Variants in RBFOX1 observed in about 807,000 individuals in gnomAD.
RBFOX1 encodes the protein RNA binding protein fox-1 homolog 1.
Under a neutral mutation model 57.7 loss-of-function variants are expected in RBFOX1, and 8 were observed. The ratio of observed to expected loss-of-function variants is 0.14; its 90% CI spans 0.08 to 0.25. The LOEUF (loss-of-function observed/expected upper bound fraction) is 0.25, where lower values mean the gene tolerates loss of function less well. Among genes scored for constraint, RBFOX1 ranks in the 10% least tolerant of loss-of-function variants. The pLI, the probability that RBFOX1 is intolerant of heterozygous loss-of-function variation, is 1.00. For missense variants in RBFOX1, 611 were observed against 548.5 expected, an observed-to-expected ratio of 1.11 and a Z score of -1.14; for synonymous variants, 326 against 222.4, an observed-to-expected ratio of 1.47 and a Z score of -4.15.
At chr16:5,683,019 A>G (rs937035122) in intron 3 of RBFOX1, among the ~76,000 whole-genome samples, 2 of 152,118 alleles carry the variant, frequency 1.3e-5, no homozygotes, top group Admixed American at 6.5e-5. Flanking sequence ...CACTTACAGA[A>G]TGGGGAGAAT....
At chr16:6,782,030 C>G (rs149537499) in intron 3 of RBFOX1, among the ~76,000 whole-genome samples, 1 of 151,930 alleles carries the variant, frequency 6.6e-6, no homozygotes, top group Non-Finnish European at 1.5e-5. Flanking sequence ...GTTTTTTATA[C>G]GGAGCCTTGC....
At chr16:6,826,392 T>C (rs986394085) in intron 3 of RBFOX1, among the ~76,000 whole-genome samples, 2 of 152,180 alleles carry the variant, frequency 1.3e-5, no homozygotes, top group African/African-American at 2.4e-5. Context: ...GCCTGGTACA[T>C]AGTAAATACT....
chr16:6,127,477 A>T (rs919025576), intron 1 of RBFOX1, among the ~76,000 whole-genome samples: 1 of 152,148 alleles, frequency 6.6e-6, no homozygotes, highest in African/African-American at 2.4e-5. Flanking sequence ...ATGTGAAGTG[A>T]TGTGTCTGTG....
chr16:5,340,545 A>T (rs1287097433), intron 1 of RBFOX1, among the ~76,000 whole-genome samples: 1 of 152,194 alleles, frequency 6.6e-6, no homozygotes, highest in African/African-American at 2.4e-5. Context: ...TAACAGTTAA[A>T]GAACACATTC....
At chr16:5,747,906 C>T (rs13156835) in intron 3 of RBFOX1, among the ~76,000 whole-genome samples, 2 of 152,088 alleles carry the variant, frequency 1.3e-5, no homozygotes, top group African/African-American at 2.4e-5. Context: ...TTATTTCTTG[C>T]CTTCTGCTAG....
chr16:6,175,783 T>G (rs1344492622), intron 1 of RBFOX1, among the ~76,000 whole-genome samples: 1 of 152,188 alleles, frequency 6.6e-6, no homozygotes, highest in Admixed American at 6.5e-5. Flanking sequence ...GTAGCCAGAC[T>G]TTCGGGAGCA....
At chr16:7,211,623 A>G (rs1173105847) in intron 4 of RBFOX1, among the ~76,000 whole-genome samples, 1 of 152,160 alleles carries the variant, frequency 6.6e-6, no homozygotes, top group Non-Finnish European at 1.5e-5. Flanking sequence ...CACACCTAGT[A>G]AGCAAGGGTA....
At chr16:6,919,925 C>A (rs373880792) in intron 3 of RBFOX1, among the ~76,000 whole-genome samples, 2 of 152,002 alleles carry the variant, frequency 1.3e-5, no homozygotes, top group African/African-American at 4.8e-5. Context: ...ATCTTTTATC[C>A]TTTACCCCCT....
intron 3 of RBFOX1, among the ~76,000 whole-genome samples, chr16:7,007,912 C>A (rs1014618836): frequency 1.3e-5 from 2 of 152,158 alleles, no homozygotes; most frequent in African/African-American, 4.8e-5. Flanking sequence ...CTCAAGCTTG[C>A]TAGCTGGGGC....
intron 1 of RBFOX1, among the ~76,000 whole-genome samples, chr16:6,204,160 G>C (rs2097237238): frequency 6.6e-6 from 1 of 151,996 alleles, no homozygotes; most frequent in Non-Finnish European, 1.5e-5. Flanking sequence ...CTCAACTTTG[G>C]AATCTTCCCT....
At position 5,807,949 on chromosome 16, in the gene RBFOX1, T is replaced by C. The variant is rs541490804; in HGVS notation, c.319-59354T>C. Among the ~76,000 whole-genome samples, 8 of 152,316 alleles carry C rather than the reference T, an allele frequency of 5.3e-5. No individual in the cohort carries two copies. In the South Asian group the frequency reaches 1.2e-3, roughly 24 times the overall value. On this transcript the variant is annotated intron_variant, in intron 3 of 19. Transcript: ENST00000641259. ...CCACCATAAACCTTGTATCTGGGGT[T>C]ATTCAGTCCATTTCTTTCAATTTCC...
At chr16:7,609,680 A>C (rs1224144911) in intron 10 of RBFOX1, among the ~76,000 whole-genome samples, 1 of 152,218 alleles carries the variant, frequency 6.6e-6, no homozygotes, top group Non-Finnish European at 1.5e-5. Context: ...GAGGATACCA[A>C]AATGCAAAAA....
intron 1 of RBFOX1, among the ~76,000 whole-genome samples, chr16:5,349,471 C>G (rs1024469769): frequency 6.6e-5 from 10 of 152,058 alleles, no homozygotes; most frequent in African/African-American, 9.7e-5. Flanking sequence ...GTCAGGAGTT[C>G]GAGACCAGCC....
At chr16:6,018,712 G>A (rs2095016465), upstream of RBFOX1, among the ~76,000 whole-genome samples, 1 of 152,292 alleles carries the variant, frequency 6.6e-6, no homozygotes, top group South Asian at 2.1e-4. Context: ...ATGGACTGGG[G>A]CAAGAAGCTG....
intron 2 of RBFOX1, among the ~76,000 whole-genome samples, chr16:6,417,706 T>C (rs1481388218): frequency 6.7e-6 from 1 of 149,546 alleles, no homozygotes; most frequent in South Asian, 2.1e-4. Context: ...TCCTTTCTTT[T>C]TAAAAAAAAA....
intron 4 of RBFOX1, among the ~76,000 whole-genome samples, chr16:7,182,896 C>A (rs191457132): frequency 6.6e-6 from 1 of 152,288 alleles, no homozygotes; most frequent in Non-Finnish European, 1.5e-5. Flanking sequence ...TCCCTGTTCA[C>A]AACAATTACA....
intron 3 of RBFOX1, among the ~76,000 whole-genome samples, chr16:6,791,777 C>G (rs2083004251): frequency 2.0e-5 from 3 of 152,044 alleles, no homozygotes; most frequent in Admixed American, 6.6e-5. Flanking sequence ...AGCATCAAAC[C>G]AGGTGCAGGA....
chr16:6,879,570 T>C (rs1374153155), intron 3 of RBFOX1, among the ~76,000 whole-genome samples: 2 of 152,220 alleles, frequency 1.3e-5, no homozygotes, highest in Admixed American at 6.5e-5. Context: ...TCAACATAAG[T>C]TTCCATTATC....
chr16:5,485,320 T>A (rs1203146829), intron 2 of RBFOX1, among the ~76,000 whole-genome samples: 1 of 111,960 alleles, frequency 8.9e-6, no homozygotes, highest in African/African-American at 3.5e-5. Flanking sequence ...CACTCCAGCC[T>A]GGGCGACAGA....
Sources: allele counts gnomAD v4.1 joint callset (sites outside exome capture counted in the v4.1 genomes callset), GRCh38; gene constraint gnomAD v4.1.1; transcripts MANE v1.5; gene names NCBI Gene and HGNC (gene_info 2026-07-23, HGNC 2026-07-21).